CD2AP: variants seen among roughly 807,000 people sequenced by gnomAD.
CD2AP encodes the protein CD2 associated protein, also known as CD2-associated protein.
A neutral mutation model predicts 85.1 loss-of-function variants in CD2AP; 46 were observed. That is an observed-to-expected ratio of 0.54 (90% confidence interval 0.43 to 0.69). The LOEUF is 0.69. Among genes scored for constraint, CD2AP ranks in the 30% least tolerant of loss-of-function variants. The pLI is 0.00. For missense variants in CD2AP, 769 were observed against 729.5 expected (o/e 1.05, Z -0.62); for synonymous variants, 255 against 252.9 (o/e 1.01, Z -0.08).
chr6:47,574,105 G>A lies in CD2AP; in HGVS notation c.583G>A (p.Gly195Arg), dbSNP rs751286070. 1 of 1,613,952 alleles carries A rather than the reference G, an allele frequency of 6.2e-7. No homozygotes were observed. The highest frequency in any genetic ancestry group is 1.3e-5 in the African/African-American group (1 of 75,004). ...AGPTSPIPSL[G>R]NVSETASGSV... ...GCCTACTTCACCTATACCTTCTCTG[G>A]GAAATGTGAGTGAAACTGCATCTGG... The change falls in exon 6 of 18, where the codon GGA becomes AGA. Residue 195 changes from glycine (G) to arginine (R), a missense_variant. Coordinates refer to ENST00000359314, the MANE Select transcript of CD2AP (RefSeq NM_012120.3).
chr6:47,521,963 C>T (rs753751160), intron 2 of CD2AP, among the ~76,000 whole-genome samples: 12 of 151,722 alleles, frequency 7.9e-5, no homozygotes, highest in Non-Finnish European at 1.3e-4. Flanking sequence ...TGCAGTGAGC[C>T]GAGATCATGC....
At chr6:47,614,538 A>C (rs1293331917) in intron 17 of CD2AP, among the ~76,000 whole-genome samples, 3 of 152,232 alleles carry the variant, frequency 2.0e-5, no homozygotes, top group Non-Finnish European at 4.4e-5. Context: ...GAACAATTAC[A>C]ATATTAACAT....
At chr6:47,572,992 A>T (rs1278815251) in intron 5 of CD2AP, among the ~76,000 whole-genome samples, 2 of 152,104 alleles carry the variant, frequency 1.3e-5, no homozygotes, top group Admixed American at 6.5e-5. Flanking sequence ...CCCGGTCTTA[A>T]ATGTTTCTGG....
rs1765847474 is a variant in CD2AP, at chr6:47,495,945, C to T, written c.5-7335C>T. Among the ~76,000 whole-genome samples, 4 of 152,050 alleles carry T rather than the reference C, an allele frequency of 2.6e-5. No individual in the cohort carries two copies. The South Asian group carries it at 8.3e-4, about 32-fold the overall frequency. On this transcript the variant is annotated intron_variant, in intron 1 of 17. Transcript: ENST00000359314. The stretch of plus-strand genomic sequence containing the variant: ...AAGGATCTTGGAACAATTTTAACTC[C>T]CAACTTTGTTACTGGTTCTGTTATT...
chr6:47,584,037 C>T (rs1480767509), intron 11 of CD2AP, among the ~76,000 whole-genome samples: 1 of 152,154 alleles, frequency 6.6e-6, no homozygotes, highest in Non-Finnish European at 1.5e-5. Flanking sequence ...TTCTCATATG[C>T]TTAATTGTCA....
intron 5 of CD2AP, among the ~76,000 whole-genome samples, chr6:47,564,740 C>T (rs1302797791): frequency 6.6e-6 from 1 of 151,992 alleles, no homozygotes; most frequent in Non-Finnish European, 1.5e-5. Flanking sequence ...TTTCCTGTGT[C>T]CTAACAAAGT....
At chr6:47,587,809 A>C (rs4711886) in intron 11 of CD2AP, among the ~76,000 whole-genome samples, 91,803 of 151,922 alleles carry the variant, frequency 0.6, 28,533 homozygotes, top group Middle Eastern at 0.74. Context: ...CTCACTTCCT[A>C]TACACACATA....
At chr6:47,523,934 A>G (rs1766658064) in intron 2 of CD2AP, among the ~76,000 whole-genome samples, 1 of 152,202 alleles carries the variant, frequency 6.6e-6, no homozygotes, top group African/African-American at 2.4e-5. Context: ...CTTTCTTTAT[A>G]ACCCTCCCTC....
chr6:47,566,614 C>T (rs1768010583), intron 5 of CD2AP, among the ~76,000 whole-genome samples: 1 of 151,978 alleles, frequency 6.6e-6, no homozygotes, highest in Non-Finnish European at 1.5e-5. Context: ...TTCTCCCTTC[C>T]CCCGCTCCTC....
intron 2 of CD2AP, among the ~76,000 whole-genome samples, chr6:47,507,447 A>G (rs534438360): frequency 1.3e-5 from 2 of 152,108 alleles, no homozygotes; most frequent in East Asian, 2.0e-4. Flanking sequence ...ATCACTATCT[A>G]TGGCAGTGAT....
At chr6:47,514,615 T>C (rs1172036818) in intron 2 of CD2AP, among the ~76,000 whole-genome samples, 1 of 152,222 alleles carries the variant, frequency 6.6e-6, no homozygotes. Flanking sequence ...GAGAAGAATC[T>C]TTCCCACAAT....
At chr6:47,562,548 A>G in intron 5 of CD2AP, 1 of 306,418 alleles carries the variant, frequency 3.3e-6, no homozygotes, top group Non-Finnish European at 6.0e-6. Context: ...TTTGCCTTCC[A>G]CCAACAAGTC....
rs77634857 is a variant in CD2AP, at chr6:47,513,895, G to C, written c.165+10455G>C. The stretch of plus-strand genomic sequence containing the variant: ...GACTTTAAAAAAAATTTTTTTTTGG[G>C]GGGGGGGCTAGCCTTACAGATGTAC... On this transcript the variant is annotated intron_variant, in intron 2 of 17. Transcript: ENST00000359314. 4.2e-3 allele frequency among the ~76,000 whole-genome samples: 628 copies of C among 149,014 alleles called. 5 individuals are homozygous for C. The highest frequency in any genetic ancestry group is 0.015 in the African/African-American group (597 of 40,352).
intron 5 of CD2AP, among the ~76,000 whole-genome samples, chr6:47,559,251 C>T (rs1164356058): frequency 2.0e-4 from 30 of 148,716 alleles, no homozygotes; most frequent in Admixed American, 1.7e-3. Context: ...CTCTCTGTTT[C>T]GTGCAATTTT....
intron 3 of CD2AP, among the ~76,000 whole-genome samples, 180 bp downstream of exon 3, chr6:47,533,935 T>C (rs747307105): frequency 3.9e-5 from 6 of 152,228 alleles, no homozygotes; most frequent in Non-Finnish European, 8.8e-5. Context: ...TCATGTGCAA[T>C]CAATAACAAA....
chr6:47,567,229 G>A (rs916086248), intron 5 of CD2AP, among the ~76,000 whole-genome samples: 23 of 151,702 alleles, frequency 1.5e-4, no homozygotes, highest in African/African-American at 3.6e-4. Flanking sequence ...TTTCATGTAC[G>A]TTCAGCTCTT....
intron 5 of CD2AP, among the ~76,000 whole-genome samples, chr6:47,565,555 ATG>A (rs763650975): frequency 1.3e-5 from 2 of 152,038 alleles, no homozygotes; most frequent in African/African-American, 2.4e-5. Flanking sequence ...TAAACCTAAG[ATG>A]CCCAAAATTG....
Position 47,624,721 on chromosome 6 carries a change from G to GTATGTA in CD2AP, c.*497_*498insGTATAT, listed in dbSNP as rs1554129937. On this transcript the variant is annotated 3_prime_UTR_variant, in exon 18 of 18. Transcript: ENST00000359314. ...TGTGTGTGTGTGTGTGTGTGTGTGTGTATATATATATATATATTTTTACTT... is the reference window on the plus strand; with the variant it reads ...TGTGTGTGTGTGTGTGTGTGTGTGTGTATGTATATATATATATATATATTTTTACTT... 1.7e-5 allele frequency: 2 copies of GTATGTA among 120,084 alleles called. No individual in the cohort carries two copies. Among genetic ancestry groups the GTATGTA allele is most frequent in the African/African-American group, 6.0e-5 (2 of 33,250 alleles). The allele number at this position is 120,084 out of a possible 1,614,324, so 7.4% of individuals were successfully genotyped here.
chr6:47,560,013 C>G lies in CD2AP; in HGVS notation c.541+5247C>G, dbSNP rs1432133859. Among the ~76,000 whole-genome samples, 7 of 152,020 alleles carry G rather than the reference C, an allele frequency of 4.6e-5. 1 individual carries two copies. On this transcript the variant is annotated intron_variant, in intron 5 of 17. Coordinates refer to ENST00000359314, the MANE Select transcript of CD2AP (RefSeq NM_012120.3). ...GAATTTGGGCTTTTGGATCCCATTC[C>G]TCTATACATTTCCATACTATTATAT...
Sources: gnomAD v4.1 joint callset for allele counts (sites outside exome capture counted in the v4.1 genomes callset) on GRCh38, gnomAD v4.1.1 for gene constraint, MANE v1.5 for transcripts, NCBI Gene and HGNC (gene_info 2026-07-23, HGNC 2026-07-21) for gene names.